Variants in ANO1 observed in about 807,000 individuals in gnomAD.
ANO1 encodes the protein anoctamin 1, also known as anoctamin-1.
In ANO1, 59 loss-of-function variants were observed where a neutral mutation model predicts 124.0. The ratio of observed to expected loss-of-function variants is 0.48; its 90% CI spans 0.39 to 0.59. The LOEUF (loss-of-function observed/expected upper bound fraction) is 0.59, where lower values mean the gene tolerates loss of function less well. Among genes scored for constraint, ANO1 ranks in the 20% least tolerant of loss-of-function variants. The pLI is 0.00. For synonymous variants in ANO1, 529 were observed against 532.0 expected (o/e 0.99, Z 0.08); for missense variants, 1,059 against 1,328.0 (o/e 0.80, Z 3.15).
intron 1 of ANO1, chr11:70,085,664 A>G (rs929310822): frequency 2.0e-6 from 3 of 1,486,828 alleles, no homozygotes; most frequent in African/African-American, 2.8e-5. Flanking sequence ...ATCAACACCT[A>G]TGAAAGGTGG....
rs115575218 is a variant in ANO1, at chr11:69,990,006, T to G, written c.58+3840T>G. On this transcript the variant is annotated intron_variant, in intron 1 of 27. Coordinates refer to the ANO1 transcript ENST00000531349. ...TTAGATATTATATATACCATAACATTTTAATCATTTTAAGTGTAGAATTCA... is the reference window on the plus strand; with the variant it reads ...TTAGATATTATATATACCATAACATGTTAATCATTTTAAGTGTAGAATTCA... Among the ~76,000 whole-genome samples the G allele has an allele frequency of 6.0e-3, 921 of 152,284 alleles. 5 individuals carry two copies. The highest frequency in any genetic ancestry group is 0.021 in the African/African-American group (866 of 41,536).
intron 8 of ANO1, among the ~76,000 whole-genome samples, chr11:70,118,089 C>T (rs989754007): frequency 5.3e-5 from 8 of 151,978 alleles, no homozygotes; most frequent in African/African-American, 1.9e-4. Context: ...TGGCACTTGG[C>T]AGATGCCTAT....
upstream of ANO1, among the ~76,000 whole-genome samples, chr11:69,981,909 A>G (rs908622321): frequency 2.0e-5 from 3 of 152,270 alleles, no homozygotes; most frequent in Non-Finnish European, 4.4e-5. Flanking sequence ...AACTCCAAAC[A>G]TAATGAAAGA....
chr11:70,115,083 G>A (rs2045924621), intron 7 of ANO1, among the ~76,000 whole-genome samples: 1 of 152,132 alleles, frequency 6.6e-6, no homozygotes, highest in African/African-American at 2.4e-5. Flanking sequence ...ACACTAAAAG[G>A]AGTCAGGCTT....
At chr11:70,091,650 C>G (rs772555566) in intron 2 of ANO1, among the ~76,000 whole-genome samples, 10 of 152,194 alleles carry the variant, frequency 6.6e-5, no homozygotes, top group South Asian at 2.1e-4. Flanking sequence ...TGCCAGCCAC[C>G]TCTGGGACCA....
In ANO1 at chr11:70,104,116, C is replaced by A. The variant is rs769281352; in HGVS notation, c.658C>A (p.Leu220Ile). 6.2e-7 allele frequency: 1 copy of A among 1,613,074 alleles called. No individual in the cohort carries two copies. The highest frequency in any genetic ancestry group is 8.5e-7 in the Non-Finnish European group (1 of 1,179,634). The change falls in exon 4 of 26, where the codon CTC becomes ATC. Residue 220 changes from leucine (L) to isoleucine (I), a missense_variant. Leu to Ile is a conservative substitution (Grantham distance 5). Transcript: ENST00000355303. The stretch of plus-strand genomic sequence containing the variant: ...GCACAGGCCCCAGACCATGAAGAGA[C>A]TCTCCTATCCCTTCTCCCGGGAGAA... ...AEHRPQTMKRLSYPFSREKQH... is the reference protein window; with the variant it reads ...AEHRPQTMKRISYPFSREKQH...
the ANO1 span, among the ~76,000 whole-genome samples, chr11:69,978,159 G>C: frequency 6.6e-6 from 1 of 152,190 alleles, no homozygotes; most frequent in Non-Finnish European, 1.5e-5. Flanking sequence ...GTAACTCTGA[G>C]CTGTGCTGTC....
At chr11:70,052,792 T>C (rs1857373830) in intron 1 of ANO1, among the ~76,000 whole-genome samples, 1 of 152,026 alleles carries the variant, frequency 6.6e-6, no homozygotes, top group Admixed American at 6.5e-5. Flanking sequence ...TGACCTCAGA[T>C]GATCCACCCA....
Position 70,092,528 on chromosome 11 carries a change from C to T in ANO1, c.441+4444C>T, listed in dbSNP as rs890488126. Among the ~76,000 whole-genome samples, 47 of 152,278 alleles carry T rather than the reference C, an allele frequency of 3.1e-4. No homozygotes were observed. The East Asian group carries it at 8.1e-3, about 26-fold the overall frequency. On this transcript the variant is annotated intron_variant, in intron 2 of 25. Coordinates refer to ENST00000355303, the MANE Select transcript of ANO1 (RefSeq NM_018043.7). The stretch of plus-strand genomic sequence containing the variant: ...GCCTGGTCTGCCTTGCTGCAGGACC[C>T]AGGATGCACACAGGAACTCCTGGGG...
intron 1 of ANO1, among the ~76,000 whole-genome samples, chr11:70,016,258 C>T (rs1384036455): frequency 1.3e-5 from 2 of 152,140 alleles, no homozygotes; most frequent in Admixed American, 6.5e-5. Flanking sequence ...AAACTGCTGA[C>T]CTCATGGTCC....
At chr11:70,097,637 C>T (rs547453307) in intron 2 of ANO1, among the ~76,000 whole-genome samples, 1 of 152,326 alleles carries the variant, frequency 6.6e-6, no homozygotes, top group South Asian at 2.1e-4. Context: ...GGCTCTGGGC[C>T]TTCCCTGCCC....
the ANO1 span, among the ~76,000 whole-genome samples, chr11:69,972,677 A>G: frequency 6.6e-6 from 1 of 152,136 alleles, no homozygotes; most frequent in Non-Finnish European, 1.5e-5. Context: ...CGTAGTTCAC[A>G]ACCCTAAGAA....
At chr11:70,023,531 T>C (rs573667984) in intron 1 of ANO1, among the ~76,000 whole-genome samples, 1 of 152,286 alleles carries the variant, frequency 6.6e-6, no homozygotes, top group East Asian at 1.9e-4. Context: ...CTTTCTTTAC[T>C]TCTAGGGGTG....
Position 70,141,094 on chromosome 11 carries a change from C to T in ANO1, c.1259-8616C>T, listed in dbSNP as rs115756738. On this transcript the variant is annotated intron_variant, in intron 11 of 25. Transcript: ENST00000355303. ...CCCATCTGCCTCCAAGGTTTCAGCA[C>T]GTGCCCTGGTCCCACCTCTCTGTCC... 6.9e-3 allele frequency among the ~76,000 whole-genome samples: 1,047 copies of T among 152,328 alleles called. 12 individuals are homozygous for T. Among genetic ancestry groups the T allele is most frequent in the African/African-American group, 0.024 (1,013 of 41,574 alleles).
rs533698871 is a variant in ANO1 at position 70,105,798 on chromosome 11, G to A, written c.747+10G>A. 125 of 1,612,438 alleles carry A rather than the reference G, an allele frequency of 7.8e-5. 1 individual carries two copies. The highest frequency in any genetic ancestry group is 9.9e-5 in the South Asian group (9 of 90,960). The stretch of plus-strand genomic sequence containing the variant: ...AACCCGGAGCACGATTGTAAGTATC[G>A]CACGCGCCTGGAAACGGCTCACTGG... On this transcript the variant is annotated intron_variant, in intron 5 of 25. Transcript: ENST00000355303.
rs555774905 is a variant in ANO1 at position 70,042,785 on chromosome 11, C to T, written c.59-35757C>T. 3.2e-4 allele frequency among the ~76,000 whole-genome samples: 49 copies of T among 152,318 alleles called. 2 individuals are homozygous for T. The highest frequency in any genetic ancestry group is 2.4e-3 in the Admixed American group (37 of 15,290). On this transcript the variant is annotated intron_variant, in intron 1 of 27. Coordinates refer to the ANO1 transcript ENST00000531349. ...AGCAGGATTCCCAGAAGAGTATCAT[C>T]GGGATTCAAGGCTTCTCTGTATCTG...
intron 6 of ANO1, among the ~76,000 whole-genome samples, chr11:70,110,511 AAACTTTTCACTCAC>A (rs1385981884): frequency 1.3e-5 from 2 of 152,072 alleles, no homozygotes; most frequent in Non-Finnish European, 2.9e-5. Flanking sequence ...TATTGCAGAC[AAACTTTTCACTCAC>A]ACATGTGGCT....
Position 70,189,038 on chromosome 11 carries a change from T to C in ANO1, c.*1034T>C, listed in dbSNP as rs2049260924. 1 of 152,634 alleles carries C rather than the reference T, an allele frequency of 6.6e-6. No homozygotes were observed. Among genetic ancestry groups the C allele is most frequent in the Admixed American group, 6.5e-5 (1 of 15,290 alleles). The allele number at this position is 152,634 out of a possible 1,614,324, so 9.5% of individuals were successfully genotyped here. A position where few individuals can be genotyped will look rare whatever the true frequency, so the allele number is the denominator to read the frequency against. ...TTTTTATTAATAAAGGCTTATATTT[T>C]GGTAACACTTCTCTATATTTTTACT... On this transcript the variant is annotated 3_prime_UTR_variant, in exon 26 of 26. Coordinates refer to ENST00000355303, the MANE Select transcript of ANO1 (RefSeq NM_018043.7).
At chr11:69,995,437 G>C (rs1263712339) in intron 1 of ANO1, among the ~76,000 whole-genome samples, 1 of 152,114 alleles carries the variant, frequency 6.6e-6, no homozygotes, top group Non-Finnish European at 1.5e-5. Context: ...GTATGCAGAT[G>C]TCCTTGGCTT....
Sources: allele counts gnomAD v4.1 joint callset (sites outside exome capture counted in the v4.1 genomes callset), GRCh38; gene constraint gnomAD v4.1.1; transcripts MANE v1.5; gene names NCBI Gene and HGNC (gene_info 2026-07-23, HGNC 2026-07-21).